Variants in ASTN2 observed in about 807,000 individuals in gnomAD.
ASTN2 encodes astrotactin-2.
A neutral mutation model predicts 139.8 loss-of-function variants in ASTN2; 54 were observed. The observed-to-expected ratio is 0.39, with a 90% CI of 0.31 to 0.48. The LOEUF is 0.48. Among genes scored for constraint, ASTN2 ranks in the 20% least tolerant of loss-of-function variants. The pLI, the probability that ASTN2 is intolerant of heterozygous loss-of-function variation, is 0.95. For missense variants in ASTN2, 1,565 were observed against 1,725.1 expected, an observed-to-expected ratio of 0.91 and a Z score of 1.64; for synonymous variants, 756 against 719.5, an observed-to-expected ratio of 1.05 and a Z score of -0.81.
intron 4 of ASTN2, among the ~76,000 whole-genome samples, chr9:117,123,105 G>A (rs1430374290): frequency 6.6e-6 from 1 of 152,054 alleles, no homozygotes; most frequent in East Asian, 1.9e-4. Context: ...AGGATCACCT[G>A]TAAGGCCGTT....
intron 5 of ASTN2, among the ~76,000 whole-genome samples, chr9:117,085,760 AG>A (rs2132733019): frequency 6.6e-6 from 1 of 152,326 alleles, no homozygotes; most frequent in East Asian, 1.9e-4. Context: ...GGATATGATC[AG>A]GTTTGCTGTA....
chr9:116,472,398 C>T (rs1319676967), intron 20 of ASTN2, among the ~76,000 whole-genome samples: 5 of 152,180 alleles, frequency 3.3e-5, no homozygotes, highest in Non-Finnish European at 7.3e-5. Flanking sequence ...TGTTAGAGAT[C>T]ACAGCCTCCT....
Position 117,194,342 on chromosome 9 carries a change from T to C in ASTN2, c.1015+20016A>G, listed in dbSNP as rs186013879. Among the ~76,000 whole-genome samples, 11 of 152,306 alleles carry C rather than the reference T, an allele frequency of 7.2e-5. No individual in the cohort carries two copies. The East Asian group carries it at 1.9e-3, about 27-fold the overall frequency. ...GTTCCCACTGTGGCCTCTGGCACTT[T>C]ATTAGCTCCTCTAAGAAAGAGGTTT... On this transcript the variant is annotated intron_variant, in intron 3 of 22. Transcript: ENST00000313400.
rs1856103087 is a variant in ASTN2, at chr9:116,620,783, TG to T, written c.3073-341del. Among the ~76,000 whole-genome samples the T allele has an allele frequency of 2.6e-5, 4 of 152,322 alleles. No homozygotes were observed. The East Asian group carries it at 7.7e-4, about 29-fold the overall frequency. ...TATTATAATTTCCCATTTTACAAGT[TG>T]GAAAACTGAAGCACACAGAAAGTAA... On this transcript the variant is annotated intron_variant, in intron 17 of 22. Transcript: ENST00000313400.
At chr9:116,913,987 T>C (rs1483742628) in intron 10 of ASTN2, among the ~76,000 whole-genome samples, 1 of 148,960 alleles carries the variant, frequency 6.7e-6, no homozygotes, top group Non-Finnish European at 1.5e-5. Flanking sequence ...AGATTGATGA[T>C]AGTTTCCTTA....
At chr9:116,977,705 ATTTC>A (rs373168286) in intron 7 of ASTN2, among the ~76,000 whole-genome samples, 3,287 of 125,686 alleles carry the variant, frequency 0.026, 145 homozygotes, top group African/African-American at 0.089. Context: ...AAGGTATAGA[ATTTC>A]TTTTTCTTTT....
intron 1 of ASTN2, among the ~76,000 whole-genome samples, chr9:117,341,693 G>C (rs951032304): frequency 2.0e-5 from 3 of 152,042 alleles, no homozygotes; most frequent in Non-Finnish European, 2.9e-5. Context: ...AGGATACAAA[G>C]CAGGAAACAA....
chr9:117,020,665 T>A (rs1044077526), intron 6 of ASTN2, among the ~76,000 whole-genome samples: 1 of 152,054 alleles, frequency 6.6e-6, no homozygotes, highest in Non-Finnish European at 1.5e-5. Context: ...TTCAGAGGAG[T>A]CAGCATGTGG....
chr9:117,298,118 C>T (rs1421592689), intron 1 of ASTN2, among the ~76,000 whole-genome samples: 1 of 152,206 alleles, frequency 6.6e-6, no homozygotes, highest in Non-Finnish European at 1.5e-5. Flanking sequence ...TCAAAACCCT[C>T]CAATGTTTTC....
At chr9:117,016,933 T>C (rs1027977512) in intron 6 of ASTN2, among the ~76,000 whole-genome samples, 7 of 151,580 alleles carry the variant, frequency 4.6e-5, no homozygotes, top group Admixed American at 6.6e-5. Flanking sequence ...TCTACTGTTT[T>C]CTGTCTTCCC....
intron 19 of ASTN2, among the ~76,000 whole-genome samples, chr9:116,614,811 G>A (rs556340341): frequency 1.3e-5 from 2 of 152,198 alleles, no homozygotes; most frequent in African/African-American, 4.8e-5. Flanking sequence ...CCATAGGCAT[G>A]GGCAAGGATT....
intron 19 of ASTN2, among the ~76,000 whole-genome samples, chr9:116,495,600 T>A (rs1448422453): frequency 2.6e-5 from 4 of 152,228 alleles, no homozygotes; most frequent in African/African-American, 9.6e-5. Context: ...TTTCTGTTCC[T>A]TGCAATCAGG....
chr9:117,258,382 C>A (rs761346139), intron 2 of ASTN2, among the ~76,000 whole-genome samples: 1 of 152,158 alleles, frequency 6.6e-6, no homozygotes, highest in Non-Finnish European at 1.5e-5. Flanking sequence ...AGCCTCTCAA[C>A]GCACAACTCA....
intron 12 of ASTN2, among the ~76,000 whole-genome samples, chr9:116,817,909 A>G (rs1447438882): frequency 6.6e-6 from 1 of 152,218 alleles, no homozygotes; most frequent in Non-Finnish European, 1.5e-5. Context: ...CAAAGATCAC[A>G]TGACTAGATG....
At chr9:117,119,438 T>C (rs1587983650) in intron 4 of ASTN2, among the ~76,000 whole-genome samples, 2 of 152,172 alleles carry the variant, frequency 1.3e-5, no homozygotes, top group Non-Finnish European at 2.9e-5. Flanking sequence ...ATCATGTGTG[T>C]TGAGGAGAAG....
At chr9:116,492,885 A>G (rs1418856976) in intron 19 of ASTN2, among the ~76,000 whole-genome samples, 2 of 152,288 alleles carry the variant, frequency 1.3e-5, no homozygotes, top group African/African-American at 4.8e-5. Flanking sequence ...CTCCAGGGGC[A>G]AGGATGAACA....
intron 4 of ASTN2, among the ~76,000 whole-genome samples, chr9:117,132,756 C>A (rs1181308759): frequency 6.6e-6 from 1 of 152,048 alleles, no homozygotes; most frequent in Non-Finnish European, 1.5e-5. Flanking sequence ...TTAGAAGAGA[C>A]CTGAGGTCAA....
intron 20 of ASTN2, among the ~76,000 whole-genome samples, chr9:116,460,939 T>G (rs937874375): frequency 6.6e-6 from 1 of 152,166 alleles, no homozygotes; most frequent in African/African-American, 2.4e-5. Flanking sequence ...ACAACCATTC[T>G]TAATGATCCT....
chr9:116,513,018 T>C (rs1021783646), intron 19 of ASTN2, among the ~76,000 whole-genome samples: 1 of 152,232 alleles, frequency 6.6e-6, no homozygotes, highest in Non-Finnish European at 1.5e-5. Flanking sequence ...TTAATATTGT[T>C]ATGTGTGAGT....
Sources: allele counts gnomAD v4.1 joint callset (sites outside exome capture counted in the v4.1 genomes callset), GRCh38; gene constraint gnomAD v4.1.1; transcripts MANE v1.5; gene names NCBI Gene and HGNC (gene_info 2026-07-23, HGNC 2026-07-21).